Variants in HTR7 observed in about 807,000 individuals in gnomAD.
HTR7 encodes the protein 5-hydroxytryptamine receptor 7.
A neutral mutation model predicts 34.0 loss-of-function variants in HTR7; 16 were observed. The observed-to-expected ratio is 0.47, with a 90% CI of 0.32 to 0.71. HTR7 has a LOEUF of 0.71. Among genes scored for constraint, HTR7 ranks in the 30% least tolerant of loss-of-function variants. The pLI is 0.04. For synonymous variants in HTR7, 265 were observed against 260.2 expected (o/e 1.02, Z -0.18); for missense variants, 504 against 625.5 (o/e 0.81, Z 2.07).
At chr10:90,752,248 A>T (rs1387292882) in intron 1 of HTR7, among the ~76,000 whole-genome samples, 1 of 152,228 alleles carries the variant, frequency 6.6e-6, no homozygotes, top group Admixed American at 6.5e-5. Flanking sequence ...AATAAACAAA[A>T]GTTAATATTT....
chr10:90,834,043 C>A (rs10785972), intron 1 of HTR7, among the ~76,000 whole-genome samples: 38 of 152,044 alleles, frequency 2.5e-4, no homozygotes, highest in African/African-American at 8.2e-4. Context: ...GTAAAAGGCA[C>A]GCTTACTGCA....
chr10:90,746,494 T>C (rs1844637820), intron 2 of HTR7, among the ~76,000 whole-genome samples: 1 of 152,148 alleles, frequency 6.6e-6, no homozygotes, highest in Admixed American at 6.6e-5. Flanking sequence ...ATCTTTCCCT[T>C]GTCTGCCCTC....
intron 1 of HTR7, among the ~76,000 whole-genome samples, chr10:90,806,658 TAA>T (rs2119945692): frequency 1.3e-5 from 2 of 150,822 alleles, no homozygotes; most frequent in African/African-American, 4.9e-5. Context: ...TTCCTAAAGG[TAA>T]AAGTTACCAG....
chr10:90,745,256 A>G (rs560091463), intron 2 of HTR7, among the ~76,000 whole-genome samples: 2 of 152,204 alleles, frequency 1.3e-5, no homozygotes, highest in Non-Finnish European at 2.9e-5. Flanking sequence ...CCACCAATAG[A>G]TTCCATGTCT....
rs748279646 is a variant in HTR7, at chr10:90,749,216, C to T, written c.918G>A (p.Ser306=). 6 of 1,613,984 alleles carry T rather than the reference C, an allele frequency of 3.7e-6. No individual in the cohort carries two copies. Among genetic ancestry groups the T allele is most frequent in the Non-Finnish European group, 5.1e-6 (6 of 1,179,978 alleles). The change falls in exon 2 of 4, where the codon TCG becomes TCA. Residue 306 remains serine, a synonymous_variant. Transcript: ENST00000336152. The surrounding 1 kb of genome is among the most constrained non-coding windows in gnomAD (Gnocchi z 4.2). ...QKEVEECANL[S]RLLKHERKNI... is the part of the protein sequence containing the mutation. ...TTTTCCTTTCATGCTTGAGGAGTCT[C>T]GAAAGGTTTGCACACTCTTCCACCT...
intron 1 of HTR7, among the ~76,000 whole-genome samples, chr10:90,779,157 T>A (rs1244564913): frequency 1.3e-5 from 2 of 152,194 alleles, no homozygotes; most frequent in African/African-American, 4.8e-5. Flanking sequence ...CCAGGAGCCA[T>A]CCCTGAAGAA....
intron 1 of HTR7, among the ~76,000 whole-genome samples, chr10:90,855,286 G>A (rs749795160): frequency 1.2e-4 from 18 of 152,278 alleles, no homozygotes; most frequent in African/African-American, 3.6e-4. Flanking sequence ...CATGCCTGCC[G>A]ATGCTAAGTC....
chr10:90,803,416 ACTTGAGG>A (rs1197162214), intron 1 of HTR7, among the ~76,000 whole-genome samples: 1 of 152,132 alleles, frequency 6.6e-6, no homozygotes, highest in Non-Finnish European at 1.5e-5. Context: ...TACACATCTC[ACTTGAGG>A]TGTTTTTCCC....
intron 1 of HTR7, among the ~76,000 whole-genome samples, chr10:90,812,837 C>A (rs552278334): frequency 1.2e-4 from 19 of 152,342 alleles, no homozygotes; most frequent in Admixed American, 4.6e-4. Flanking sequence ...CAAGCCAAGC[C>A]ATCGCATCCC....
At chr10:90,853,818 C>G (rs901343139) in intron 1 of HTR7, among the ~76,000 whole-genome samples, 11 of 152,136 alleles carry the variant, frequency 7.2e-5, no homozygotes, top group Admixed American at 6.5e-4. Flanking sequence ...CTTGCTTCTT[C>G]TTAGGGAATA....
At chr10:90,785,567 G>C (rs1845368318) in intron 1 of HTR7, among the ~76,000 whole-genome samples, 1 of 152,106 alleles carries the variant, frequency 6.6e-6, no homozygotes, top group South Asian at 2.1e-4. Context: ...TCAGTACCTG[G>C]TGCACAGGCA....
At chr10:90,836,216 T>C (rs1935348) in intron 1 of HTR7, among the ~76,000 whole-genome samples, 32,385 of 151,988 alleles carry the variant, frequency 0.21, 4,456 homozygotes, top group African/African-American at 0.38. Flanking sequence ...CAGGATGGCA[T>C]TCCCTGAAGC....
chr10:90,767,128 G>A (rs1845037436), intron 1 of HTR7, among the ~76,000 whole-genome samples: 1 of 152,206 alleles, frequency 6.6e-6, no homozygotes, highest in South Asian at 2.1e-4. Flanking sequence ...AGGGTGGGAT[G>A]AGGTCACGGG....
intron 1 of HTR7, among the ~76,000 whole-genome samples, chr10:90,807,648 T>C (rs1845724945): frequency 6.6e-6 from 1 of 152,218 alleles, no homozygotes; most frequent in Admixed American, 6.5e-5. Flanking sequence ...GACTCTCTTT[T>C]CGGACTCAGC....
At position 90,745,511 on chromosome 10, in the gene HTR7, CTGTT is replaced by C. The variant is rs1393669798; in HGVS notation, c.1296-1825_1296-1822del. Among the ~76,000 whole-genome samples, 7 of 152,184 alleles carry C rather than the reference CTGTT, an allele frequency of 4.6e-5. No homozygotes were observed. In the East Asian group the frequency reaches 1.2e-3, roughly 25 times the overall value. On this transcript the variant is annotated intron_variant, in intron 2 of 3. Transcript: ENST00000336152. ...ACATTCAGGCCATAGCAACATATGT[CTGTT>C]TGTGTAAGGTATATCCAACAAAATT...
intron 1 of HTR7, among the ~76,000 whole-genome samples, chr10:90,831,503 G>C (rs775305691): frequency 1.3e-5 from 2 of 152,192 alleles, no homozygotes; most frequent in Non-Finnish European, 2.9e-5. Flanking sequence ...GACCCAAAAA[G>C]TGGGCAGTAG....
At chr10:90,748,224 C>A (rs1450979044) in intron 2 of HTR7, among the ~76,000 whole-genome samples, 1 of 151,922 alleles carries the variant, frequency 6.6e-6, no homozygotes, top group African/African-American at 2.4e-5. Flanking sequence ...ATAATCCAAC[C>A]CCTGGGCTCA....
intron 1 of HTR7, among the ~76,000 whole-genome samples, chr10:90,788,490 G>A (rs927260502): frequency 4.6e-5 from 7 of 152,066 alleles, no homozygotes; most frequent in Admixed American, 2.0e-4. Context: ...TCAATCATTC[G>A]GAGACCAAGA....
intron 1 of HTR7, among the ~76,000 whole-genome samples, chr10:90,753,288 T>C (rs968669664): frequency 5.3e-5 from 8 of 152,008 alleles, no homozygotes; most frequent in Non-Finnish European, 8.8e-5. Context: ...TCCCAGCACT[T>C]TGGGAGGCCA....
Sources: gnomAD v4.1 joint callset for allele counts (sites outside exome capture counted in the v4.1 genomes callset) on GRCh38, gnomAD v4.1.1 for gene constraint, Gnocchi (gnomAD v3.1) non-coding constraint, MANE v1.5 for transcripts, NCBI Gene and HGNC (gene_info 2026-07-23, HGNC 2026-07-21) for gene names.